Variants in MYO5B observed in about 807,000 individuals in gnomAD.
The protein encoded by MYO5B is unconventional myosin-Vb.
MYO5B carries 143 observed loss-of-function variants against 229.3 expected under a neutral mutation model. That is an observed-to-expected ratio of 0.62 (90% confidence interval 0.54 to 0.72). The LOEUF is 0.72. Among genes scored for constraint, MYO5B ranks in the 30% least tolerant of loss-of-function variants. The probability of loss-of-function intolerance (pLI) is 0.00; values close to 1 mark genes in which losing one functional copy is unlikely to be tolerated. For synonymous variants in MYO5B, 918 were observed against 885.2 expected, an observed-to-expected ratio of 1.04 and a Z score of -0.66; for missense variants, 2,321 against 2,331.0, an observed-to-expected ratio of 1.00 and a Z score of 0.09.
intron 34 of MYO5B, 117 bp from the exon 35 acceptor site, chr18:49,841,571 G>T: frequency 1.1e-6 from 1 of 904,350 alleles, no homozygotes; most frequent in Non-Finnish European, 1.8e-6. Flanking sequence ...GCAGCCCTGA[G>T]GCTGGGCAGG....
intron 22 of MYO5B, among the ~76,000 whole-genome samples, chr18:49,885,695 T>C (rs1185454809): frequency 2.0e-5 from 3 of 152,020 alleles, no homozygotes; most frequent in African/African-American, 7.2e-5. Context: ...ACCCTCGGCA[T>C]CAGGTAGAAA....
chr18:50,011,258 T>C (rs1598951197), intron 4 of MYO5B, among the ~76,000 whole-genome samples: 1 of 152,004 alleles, frequency 6.6e-6, no homozygotes, highest in South Asian at 2.1e-4. Context: ...GGGAGAATGG[T>C]GTGAGCCTGG....
intron 1 of MYO5B, among the ~76,000 whole-genome samples, chr18:50,186,703 T>G (rs527625732): frequency 3.3e-5 from 5 of 152,316 alleles, no homozygotes; most frequent in Admixed American, 1.3e-4. Context: ...AACACTATGT[T>G]AGACAAGCAC....
chr18:49,866,846 C>G (rs905133418), intron 27 of MYO5B, among the ~76,000 whole-genome samples: 4 of 152,116 alleles, frequency 2.6e-5, no homozygotes, highest in African/African-American at 9.7e-5. Flanking sequence ...CTGGGGAACA[C>G]AGAAGAATGC....
At position 49,936,308 on chromosome 18, in the gene MYO5B, G is replaced by A. The variant is rs761428100; in HGVS notation, c.1947C>T (p.Ala649=). 1.2e-6 allele frequency: 2 copies of A among 1,603,502 alleles called. No individual in the cohort carries two copies. The highest frequency in any genetic ancestry group is 1.3e-5 in the African/African-American group (1 of 74,806). Residue 649 remains alanine, a synonymous_variant, in exon 16 of 40, where the codon GCC becomes GCT. Transcript: ENST00000285039. ...SLHLLMETLN[A]TTPHYVRCIK... is the part of the protein sequence containing the mutation. ...TGCAGCGGACATAGTGAGGTGTCGT[G>A]GCATTCAGGGTCTCCATGAGCAGAT...
Position 49,834,708 on chromosome 18 carries a change from G to A in MYO5B, c.5394+636C>T, listed in dbSNP as rs531852231. Among the ~76,000 whole-genome samples, 23 of 151,850 alleles carry A rather than the reference G, an allele frequency of 1.5e-4. No individual in the cohort carries two copies. The East Asian group carries it at 3.9e-3, about 26-fold the overall frequency. On this transcript the variant is annotated intron_variant, in intron 39 of 39. Transcript: ENST00000285039. ...GGCTGGAGTTCAGTGGCGCAATCTC[G>A]GCTCACTGCAAGCTCCGCCTCCCAG...
At chr18:49,860,951 G>A (rs764747685) in intron 29 of MYO5B, among the ~76,000 whole-genome samples, 1 of 152,176 alleles carries the variant, frequency 6.6e-6, no homozygotes, top group African/African-American at 2.4e-5. Flanking sequence ...AATCCCAGTT[G>A]GGTCCCTGTT....
At chr18:50,138,524 G>C (rs1344441282) in intron 1 of MYO5B, among the ~76,000 whole-genome samples, 2 of 152,130 alleles carry the variant, frequency 1.3e-5, no homozygotes, top group Non-Finnish European at 2.9e-5. Context: ...CACCAGAACA[G>C]TGTTAAATTG....
intron 1 of MYO5B, among the ~76,000 whole-genome samples, chr18:50,156,320 T>G (rs1246005350): frequency 6.6e-6 from 1 of 152,240 alleles, no homozygotes; most frequent in African/African-American, 2.4e-5. Flanking sequence ...AATCTCATCT[T>G]GAACTATAGT....
intron 4 of MYO5B, among the ~76,000 whole-genome samples, chr18:50,028,286 A>G (rs2026352439): frequency 6.6e-6 from 1 of 152,186 alleles, no homozygotes; most frequent in Non-Finnish European, 1.5e-5. Flanking sequence ...GTAAACTTAT[A>G]ATAAGTAAAC....
intron 4 of MYO5B, among the ~76,000 whole-genome samples, chr18:50,013,641 A>T (rs1010097634): frequency 6.6e-6 from 1 of 152,194 alleles, no homozygotes; most frequent in African/African-American, 2.4e-5. Flanking sequence ...TATACAGCAC[A>T]GATGTAAGTG....
chr18:49,857,927 G>C (rs2024282232), intron 29 of MYO5B, among the ~76,000 whole-genome samples: 1 of 152,212 alleles, frequency 6.6e-6, no homozygotes, highest in Admixed American at 6.5e-5. Flanking sequence ...TGTTCCTGGA[G>C]TACTCCTCCT....
At chr18:49,827,104 C>T (rs768243427) in intron 39 of MYO5B, among the ~76,000 whole-genome samples, 1 of 152,208 alleles carries the variant, frequency 6.6e-6, no homozygotes, top group Non-Finnish European at 1.5e-5. Context: ...ATTGGTCCCT[C>T]CACTGAAGCT....
intron 17 of MYO5B, among the ~76,000 whole-genome samples, chr18:49,913,292 G>C (rs1598878264): frequency 6.6e-6 from 1 of 152,204 alleles, no homozygotes; most frequent in East Asian, 1.9e-4. Context: ...TTCCAGGTAG[G>C]GTCTGTCCCT....
chr18:49,835,120 G>A (rs1343448075), intron 39 of MYO5B, among the ~76,000 whole-genome samples: 1 of 152,126 alleles, frequency 6.6e-6, no homozygotes, highest in Non-Finnish European at 1.5e-5. Flanking sequence ...TATAATCTGA[G>A]AGGCAGAGAT....
intron 5 of MYO5B, among the ~76,000 whole-genome samples, chr18:49,997,215 C>T (rs1003211221): frequency 6.5e-5 from 9 of 138,794 alleles, no homozygotes; most frequent in Admixed American, 4.5e-4. Context: ...CTGCAGTGAT[C>T]GTGTTCATGC....
At chr18:49,882,310 T>C (rs2024595382) in intron 22 of MYO5B, among the ~76,000 whole-genome samples, 1 of 151,280 alleles carries the variant, frequency 6.6e-6, no homozygotes, top group Non-Finnish European at 1.5e-5. Flanking sequence ...CTGGGCTCTA[T>C]AAACCTGTTT....
Position 49,929,525 on chromosome 18 carries a change from C to T in MYO5B, c.2077G>A (p.Gly693Ser). ...CACGTTAGTTACCTGGATGGGTAGCCAGCTGCACTGATTCGAATCGTCTCC... is the reference window on the plus strand; with the variant it reads ...CACGTTAGTTACCTGGATGGGTAGCTAGCTGCACTGATTCGAATCGTCTCC... ...VLETIRISAA[G>S]YPSRWAYHDF... Residue 693 changes from glycine (G) to serine (S), a missense_variant, in exon 17 of 40, where the codon GGC (glycine) becomes AGC (serine). This residue lies in a region of MYO5B where 2,113 missense variants were observed against 2,044.7 expected (regional missense o/e 1.03). Coordinates refer to ENST00000285039, the MANE Select transcript of MYO5B (RefSeq NM_001080467.3). 6.2e-7 allele frequency: 1 copy of T among 1,607,692 alleles called. No homozygotes were observed. Among genetic ancestry groups the T allele is most frequent in the Non-Finnish European group, 8.5e-7 (1 of 1,178,340 alleles).
intron 14 of MYO5B, among the ~76,000 whole-genome samples, chr18:49,937,715 A>G (rs760396665): frequency 2.6e-5 from 4 of 152,116 alleles, no homozygotes; most frequent in Non-Finnish European, 4.4e-5. Context: ...AATTATACCA[A>G]GTGAAAGCAG....
Sources: allele counts gnomAD v4.1 joint callset (sites outside exome capture counted in the v4.1 genomes callset), GRCh38; gene constraint gnomAD v4.1.1; regional missense constraint gnomAD v4.1.1; transcripts MANE v1.5; gene names NCBI Gene and HGNC (gene_info 2026-07-23, HGNC 2026-07-21).